The following CDH8 variants were observed in gnomAD, a reference collection of about 807,000 sequenced individuals.
CDH8 encodes cadherin-8.
A neutral mutation model predicts 68.1 loss-of-function variants in CDH8; 17 were observed. The ratio of observed to expected loss-of-function variants is 0.25; its 90% CI spans 0.17 to 0.37. The LOEUF (loss-of-function observed/expected upper bound fraction) is 0.37, where lower values mean the gene tolerates loss of function less well. CDH8 is among the 10% of genes least tolerant of loss of function. CDH8 has a pLI of 1.00. For synonymous variants in CDH8, 372 were observed against 365.1 expected, an observed-to-expected ratio of 1.02 and a Z score of -0.21; for missense variants, 763 against 999.3, an observed-to-expected ratio of 0.76 and a Z score of 3.19.
rs1228622626 is a variant in CDH8, at chr16:61,651,619, CT to C, written c.*1988del. 2 of 152,188 alleles carry C rather than the reference CT, an allele frequency of 1.3e-5. No homozygotes were observed. The highest frequency in any genetic ancestry group is 2.4e-5 in the African/African-American group (1 of 41,432). The allele number at this position is 152,188 out of a possible 1,614,324, so 9.4% of individuals were successfully genotyped here. ...GGATGTGTTTTCACTCTAGAACCCC[CT>C]GTCAGACTGGCAGAGATTTTGCCAG... is the stretch of plus-strand genomic sequence containing the variant. On this transcript the variant is annotated 3_prime_UTR_variant, in exon 12 of 12. Coordinates refer to ENST00000577390, the MANE Select transcript of CDH8 (RefSeq NM_001796.5).
At chr16:61,842,984 C>T (rs185457557) in intron 4 of CDH8, among the ~76,000 whole-genome samples, 9 of 152,148 alleles carry the variant, frequency 5.9e-5, no homozygotes, top group Admixed American at 2.0e-4. Context: ...AACAACCATA[C>T]GTGGTGTAGC....
At chr16:61,750,047 C>A (rs964063299) in intron 8 of CDH8, among the ~76,000 whole-genome samples, 1 of 151,954 alleles carries the variant, frequency 6.6e-6, no homozygotes, top group African/African-American at 2.4e-5. Context: ...GTTTTTCAAC[C>A]CTTTGTCCCC....
rs1482265672 is a variant in CDH8 at position 61,704,001 on chromosome 16, C to T, written c.1654+9840G>A. ...CACATCAAGATACCAAAAACCATCT[C>T]ATTAATTTCCTTTTGGAGAATCAAG... On this transcript the variant is annotated intron_variant, in intron 10 of 11. Coordinates refer to ENST00000577390, the MANE Select transcript of CDH8 (RefSeq NM_001796.5). Among the ~76,000 whole-genome samples, 3 of 152,268 alleles carry T rather than the reference C, an allele frequency of 2.0e-5. No homozygotes were observed. In the East Asian group the frequency reaches 5.8e-4, roughly 29 times the overall value.
chr16:61,728,148 A>G (rs1166090326), intron 8 of CDH8, among the ~76,000 whole-genome samples: 1 of 151,064 alleles, frequency 6.6e-6, no homozygotes, highest in East Asian at 1.9e-4. Context: ...GCAAGCCAAG[A>G]GGGGAAAAAA....
At chr16:61,730,970 A>G (rs1959517531) in intron 8 of CDH8, among the ~76,000 whole-genome samples, 1 of 151,606 alleles carries the variant, frequency 6.6e-6, no homozygotes, top group African/African-American at 2.4e-5. Context: ...AAAAATAATT[A>G]GTCTATGGAA....
At chr16:61,765,425 T>C (rs1421583222) in intron 8 of CDH8, among the ~76,000 whole-genome samples, 2 of 151,998 alleles carry the variant, frequency 1.3e-5, no homozygotes, top group African/African-American at 4.8e-5. Context: ...TCTCCTGAAA[T>C]TCATCAAAAT....
intron 4 of CDH8, among the ~76,000 whole-genome samples, chr16:61,828,411 C>T (rs1228496412): frequency 6.6e-6 from 1 of 151,894 alleles, no homozygotes; most frequent in South Asian, 2.1e-4. Flanking sequence ...ATTCTACAGA[C>T]TTGCCCTGAC....
At chr16:61,873,374 A>G (rs1036824336) in intron 3 of CDH8, among the ~76,000 whole-genome samples, 2 of 152,182 alleles carry the variant, frequency 1.3e-5, no homozygotes, top group Non-Finnish European at 2.9e-5. Context: ...GACACAGGCT[A>G]CTTATGAAGC....
chr16:61,812,648 T>G (rs982631565), intron 7 of CDH8, among the ~76,000 whole-genome samples: 1 of 152,196 alleles, frequency 6.6e-6, no homozygotes, highest in Non-Finnish European at 1.5e-5. Context: ...TAGTATCTGT[T>G]CTGGGCTAGG....
intron 2 of CDH8, among the ~76,000 whole-genome samples, chr16:61,932,863 T>C (rs527721619): frequency 1.3e-5 from 2 of 152,292 alleles, no homozygotes; most frequent in East Asian, 3.9e-4. Flanking sequence ...CTTGTGAAAA[T>C]ACATATTTTG....
At chr16:61,797,501 C>T (rs1234940604) in intron 7 of CDH8, among the ~76,000 whole-genome samples, 1 of 152,088 alleles carries the variant, frequency 6.6e-6, no homozygotes, top group Non-Finnish European at 1.5e-5. Context: ...CAGGAACTAA[C>T]TCTTTTATTC....
intron 2 of CDH8, among the ~76,000 whole-genome samples, chr16:61,933,113 A>G (rs1471160481): frequency 6.6e-6 from 1 of 152,172 alleles, no homozygotes; most frequent in African/African-American, 2.4e-5. Flanking sequence ...TCTCATCTCT[A>G]TTTTAAATAT....
chr16:61,933,550 A>G (rs1345836359), intron 2 of CDH8, among the ~76,000 whole-genome samples: 1 of 152,208 alleles, frequency 6.6e-6, no homozygotes, highest in African/African-American at 2.4e-5. Context: ...ATCTTTTTAA[A>G]TATGTAGTGA....
chr16:61,775,443 T>C lies in CDH8; in HGVS notation c.1414+13903A>G, dbSNP rs150492770. On this transcript the variant is annotated intron_variant, in intron 8 of 11. Transcript: ENST00000577390. ...ATTCAGCATCCCCGTCTGAAGTATA[T>C]TATTAAAAAGAAAAAATATGGCCAT... is the stretch of plus-strand genomic sequence containing the variant. Among the ~76,000 whole-genome samples, 174 of 152,032 alleles carry C rather than the reference T, an allele frequency of 1.1e-3. 2 individuals carry two copies. The highest frequency in any genetic ancestry group is 4.1e-3 in the African/African-American group (171 of 41,496).
chr16:61,718,118 A>T (rs1164682832), intron 9 of CDH8, among the ~76,000 whole-genome samples: 1 of 151,378 alleles, frequency 6.6e-6, no homozygotes, highest in Admixed American at 6.6e-5. Context: ...AAAACCTTGT[A>T]GATATTTATA....
intron 10 of CDH8, among the ~76,000 whole-genome samples, chr16:61,701,680 G>A (rs1882760291): frequency 6.6e-6 from 1 of 152,162 alleles, no homozygotes. Flanking sequence ...TACGGGAAGA[G>A]CAAAAGGACA....
intron 2 of CDH8, among the ~76,000 whole-genome samples, chr16:61,976,007 A>G (rs1397133): frequency 0.12 from 18,685 of 152,174 alleles, 1,707 homozygotes; most frequent in African/African-American, 0.25. Flanking sequence ...TTCCTTTAAC[A>G]AATGCAGACA....
chr16:61,671,821 T>C (rs1296869517), intron 10 of CDH8, among the ~76,000 whole-genome samples: 1 of 151,954 alleles, frequency 6.6e-6, no homozygotes, highest in Non-Finnish European at 1.5e-5. Flanking sequence ...TTCCCTCAAA[T>C]TCACCCACAT....
At chr16:61,927,542 T>C (rs770946057) in intron 2 of CDH8, among the ~76,000 whole-genome samples, 3 of 152,172 alleles carry the variant, frequency 2.0e-5, no homozygotes, top group Non-Finnish European at 4.4e-5. Flanking sequence ...CCTAGACAAA[T>C]ATCAAAAGGT....
Sources: gnomAD v4.1 joint callset for allele counts (sites outside exome capture counted in the v4.1 genomes callset) on GRCh38, gnomAD v4.1.1 for gene constraint, MANE v1.5 for transcripts, NCBI Gene and HGNC (gene_info 2026-07-23, HGNC 2026-07-21) for gene names.